Variants in DHDDS observed in about 807,000 individuals in gnomAD.
DHDDS encodes the protein dehydrodolichyl diphosphate synthase subunit.
DHDDS carries 16 observed loss-of-function variants against 46.2 expected under a neutral mutation model. That is an observed-to-expected ratio of 0.35 (90% CI 0.23 to 0.53). The LOEUF is 0.53. Ranked by LOEUF, DHDDS falls within the 20% of genes least tolerant of loss-of-function variation. The pLI is 0.94. For synonymous variants in DHDDS, 151 were observed against 163.1 expected, an observed-to-expected ratio of 0.93 and a Z score of 0.56; for missense variants, 340 against 423.7, an observed-to-expected ratio of 0.80 and a Z score of 1.73.
At position 26,457,918 on chromosome 1, in the gene DHDDS, C is replaced by T. The variant is rs1309462722; in HGVS notation, c.657+13C>T. 6.2e-7 allele frequency: 1 copy of T among 1,601,780 alleles called. No individual in the cohort carries two copies. Among genetic ancestry groups the T allele is most frequent in the African/African-American group, 1.3e-5 (1 of 74,596 alleles). On this transcript the variant is annotated intron_variant, in intron 7 of 8. Coordinates refer to ENST00000236342, the MANE Select transcript of DHDDS (RefSeq NM_205861.3). Reference sequence around the variant, plus strand: ...CTTGCTATGGCAGGTAGGTCATTTCCAAGTACTATTATGTTTGTGTCATGG... The same window carrying T: ...CTTGCTATGGCAGGTAGGTCATTTCTAAGTACTATTATGTTTGTGTCATGG...
intron 3 of DHDDS, among the ~76,000 whole-genome samples, chr1:26,439,045 C>T (rs1432439824): frequency 1.3e-5 from 2 of 152,168 alleles, no homozygotes; most frequent in Non-Finnish European, 2.9e-5. Flanking sequence ...GATTTTCTGC[C>T]TCAGCCTCCT....
rs189682023 is a variant in DHDDS, at chr1:26,440,132, C to T, written c.180+1848C>T. Among the ~76,000 whole-genome samples the T allele has an allele frequency of 5.0e-3, 760 of 152,230 alleles. 2 individuals are homozygous for T. Among genetic ancestry groups the T allele is most frequent in the Non-Finnish European group, 7.8e-3 (530 of 68,000 alleles). ...TCCGCCTGGGCAACAGAGTGAGACT[C>T]CGTCTCAAAAAAAATAAATAAATAA... On this transcript the variant is annotated intron_variant, in intron 3 of 8. Coordinates refer to ENST00000236342, the MANE Select transcript of DHDDS (RefSeq NM_205861.3).
rs1570359153 is a variant in DHDDS at position 26,459,897 on chromosome 1, G to A, written c.658-140G>A. ...TGAATCAGGGCCAGCAGCAGCTGCA[G>A]CTACAGCTCAGGATGCCTGTAACAT... On this transcript the variant is annotated intron_variant, in intron 7 of 8. Coordinates refer to ENST00000236342, the MANE Select transcript of DHDDS (RefSeq NM_205861.3). 1.1e-5 allele frequency: 8 copies of A among 740,268 alleles called. No individual in the cohort carries two copies. The South Asian group carries it at 1.2e-4, about 11-fold the overall frequency. The allele number at this position is 740,268 out of a possible 1,614,324, so 45.9% of individuals were successfully genotyped here.
Position 26,469,088 on chromosome 1 carries a change from A to G in DHDDS, c.959A>G (p.Lys320Arg). The G allele has an allele frequency of 6.2e-7, 1 of 1,613,244 alleles. No individual in the cohort carries two copies. Among genetic ancestry groups the G allele is most frequent in the Non-Finnish European group, 8.5e-7 (1 of 1,180,042 alleles). Residue 320 changes from lysine to arginine, a missense_variant, in exon 9 of 9, where the codon AAG becomes AGG. By Grantham distance (26) the Lys-to-Arg change is conservative. This residue lies in a region of DHDDS where 268 missense variants were observed against 300.3 expected (regional missense o/e 0.89). Transcript: ENST00000236342. ...GGCTTCCTGCAGGCCTTGGAACTCA[A>G]GCGAGCTGACTGGCTGGCCCGTCTG... ...VQGFLQALELKRADWLARLGT... is the reference protein window; with the variant it reads ...VQGFLQALELRRADWLARLGT...
intron 8 of DHDDS, 131 bp from the exon 9 acceptor site, chr1:26,468,764 A>C: frequency 7.6e-7 from 1 of 1,318,392 alleles, no homozygotes; most frequent in Non-Finnish European, 1.1e-6. Context: ...GCCTTTTCAA[A>C]TCTGGTACCT....
At chr1:26,459,401 GATT>G (rs2075401399) in intron 7 of DHDDS, among the ~76,000 whole-genome samples, 1 of 152,176 alleles carries the variant, frequency 6.6e-6, no homozygotes, top group South Asian at 2.1e-4. Flanking sequence ...CTTCATCAGT[GATT>G]ATTATTAAAG....
intron 2 of DHDDS, among the ~76,000 whole-genome samples, chr1:26,435,048 C>G: frequency 6.6e-6 from 1 of 150,382 alleles, no homozygotes; most frequent in East Asian, 2.0e-4. Flanking sequence ...CTCACTCTGT[C>G]GCCCAGGCTG....
chr1:26,453,577 TA>T (rs930496395), intron 6 of DHDDS, among the ~76,000 whole-genome samples: 1 of 151,982 alleles, frequency 6.6e-6, no homozygotes, highest in African/African-American at 2.4e-5. Context: ...GGCAAAATGG[TA>T]AAATCTCGTC....
intron 8 of DHDDS, among the ~76,000 whole-genome samples, chr1:26,462,062 G>GTTT (rs754576508): frequency 2.3e-5 from 3 of 129,876 alleles, no homozygotes; most frequent in Non-Finnish European, 3.4e-5. Context: ...GCTATTTTTT[G>GTTT]TTTTTTTTTT....
chr1:26,456,188 G>T (rs1379863069), intron 6 of DHDDS, among the ~76,000 whole-genome samples: 1 of 151,970 alleles, frequency 6.6e-6, no homozygotes, highest in East Asian at 1.9e-4. Flanking sequence ...AATGTTTCAG[G>T]ATCCATATGA....
chr1:26,438,001 G>A (rs1027027656), intron 2 of DHDDS, among the ~76,000 whole-genome samples, 167 bp from the exon 3 acceptor site: 8 of 152,118 alleles, frequency 5.3e-5, no homozygotes, highest in Non-Finnish European at 8.8e-5. Context: ...AAGTAACTAA[G>A]TAAGTAAACT....
chr1:26,465,756 C>T (rs1461249474), intron 8 of DHDDS, among the ~76,000 whole-genome samples: 2 of 152,188 alleles, frequency 1.3e-5, no homozygotes, highest in East Asian at 3.9e-4. Context: ...AAGCACCCTG[C>T]ACATCCTGTC....
At chr1:26,435,663 G>A (rs993129917) in intron 2 of DHDDS, among the ~76,000 whole-genome samples, 5 of 151,544 alleles carry the variant, frequency 3.3e-5, no homozygotes, top group Non-Finnish European at 7.4e-5. Flanking sequence ...CGCCCAGGCT[G>A]CAGTGTGGTG....
chr1:26,463,701 T>A (rs542897997), intron 8 of DHDDS, among the ~76,000 whole-genome samples: 1 of 152,080 alleles, frequency 6.6e-6, no homozygotes, highest in Non-Finnish European at 1.5e-5. Context: ...AGATGGGGTT[T>A]CTCCATGTTG....
rs1454410409 is a variant in DHDDS, at chr1:26,446,440, C to A, written c.440+8C>A. On this transcript the variant is annotated splice_region_variant and intron_variant, in intron 5 of 8. Coordinates refer to ENST00000236342, the MANE Select transcript of DHDDS (RefSeq NM_205861.3). ...CACGAAGAACTACAACAAGTAAGTT[C>A]TCAGATTTCCCTATAGGGAGCTGTT... 2 of 1,612,466 alleles carry A rather than the reference C, an allele frequency of 1.2e-6. No individual in the cohort carries two copies. The highest frequency in any genetic ancestry group is 4.5e-5 in the East Asian group (2 of 44,852).
At chr1:26,449,318 C>A (rs542018582) in intron 6 of DHDDS, among the ~76,000 whole-genome samples, 28 of 152,056 alleles carry the variant, frequency 1.8e-4, no homozygotes, top group African/African-American at 3.4e-4. Context: ...CGAGGCTGGT[C>A]TTGAACTCCC....
intron 8 of DHDDS, among the ~76,000 whole-genome samples, chr1:26,462,515 A>C (rs1247929456): frequency 6.6e-6 from 1 of 152,146 alleles, no homozygotes; most frequent in Non-Finnish European, 1.5e-5. Flanking sequence ...TTTTGACAGT[A>C]TCTCTCCTCT....
At chr1:26,456,323 G>T (rs1444203349) in intron 6 of DHDDS, among the ~76,000 whole-genome samples, 1 of 152,136 alleles carries the variant, frequency 6.6e-6, no homozygotes, top group Non-Finnish European at 1.5e-5. Context: ...AGTGAGCTGA[G>T]ATCACACCAC....
chr1:26,447,245 A>G (rs975752788), intron 5 of DHDDS, among the ~76,000 whole-genome samples: 2 of 152,114 alleles, frequency 1.3e-5, no homozygotes. Context: ...GCTTGAACCC[A>G]GGAGGCAGAG....
Sources: gnomAD v4.1 joint callset for allele counts (sites outside exome capture counted in the v4.1 genomes callset) on GRCh38, gnomAD v4.1.1 for gene constraint, gnomAD v4.1.1 regional missense constraint, MANE v1.5 for transcripts, NCBI Gene and HGNC (gene_info 2026-07-23, HGNC 2026-07-21) for gene names.